The following ZNF519 variants were observed in gnomAD, a reference collection of about 807,000 sequenced individuals.
ZNF519 encodes similar to Zinc finger protein 85 (Zinc finger protein HPF4) (HTF1).
A neutral mutation model predicts 7.4 loss-of-function variants in ZNF519; 7 were observed. The ratio of observed to expected loss-of-function variants is 0.94; its 90% confidence interval spans 0.54 to 1.77. The LOEUF is 1.77. Ranked by LOEUF, ZNF519 falls within the 40% of genes most tolerant of loss-of-function variation. The probability of loss-of-function intolerance (pLI) is 0.00; values close to 1 mark genes in which losing one functional copy is unlikely to be tolerated. For missense variants in ZNF519, 586 were observed against 623.1 expected, an observed-to-expected ratio of 0.94 and a Z score of 0.63; for synonymous variants, 179 against 203.3, an observed-to-expected ratio of 0.88 and a Z score of 1.02.
chr18:14,129,127 G>A (rs1391317033), intron 1 of ZNF519, among the ~76,000 whole-genome samples: 1 of 152,208 alleles, frequency 6.6e-6, no homozygotes, highest in Non-Finnish European at 1.5e-5. Context: ...GCAGCGCTAT[G>A]TTCTGACTTA....
chr18:14,091,342 A>G (rs974625684), intron 2 of ZNF519, among the ~76,000 whole-genome samples: 6 of 152,146 alleles, frequency 3.9e-5, no homozygotes, highest in African/African-American at 1.4e-4. Context: ...TCACCAGAAC[A>G]CTTCTCAGTG....
intron 1 of ZNF519, among the ~76,000 whole-genome samples, chr18:14,130,274 T>A (rs1394017266): frequency 3.3e-5 from 5 of 152,128 alleles, no homozygotes; most frequent in African/African-American, 4.8e-5. Flanking sequence ...AATCTCTCTT[T>A]ATTAACCTCC....
chr18:14,126,921 C>T (rs2537896), intron 1 of ZNF519, among the ~76,000 whole-genome samples: 11 of 152,144 alleles, frequency 7.2e-5, no homozygotes, highest in African/African-American at 2.4e-4. Flanking sequence ...TATGGGCTGA[C>T]GCCTCCATAA....
chr18:14,118,549 G>A (rs1041230825), intron 2 of ZNF519, among the ~76,000 whole-genome samples: 1 of 152,116 alleles, frequency 6.6e-6, no homozygotes, highest in Non-Finnish European at 1.5e-5. Flanking sequence ...CTATGGTTGG[G>A]GTTGTGAAAC....
exon 5 of ZNF519, chr18:14,077,166 A>G (rs2046050802): frequency 1.3e-5 from 2 of 152,200 alleles, no homozygotes; most frequent in Non-Finnish European, 1.5e-5. Context: ...TGAGGATTAC[A>G]TTAAATTAGA....
intron 3 of ZNF519, chr18:14,080,340 T>A (rs2046066098): frequency 7.1e-6 from 1 of 140,000 alleles, no homozygotes; most frequent in African/African-American, 2.8e-5. Context: ...TTTTTTTTTT[T>A]GAGACAGAGT....
At chr18:14,095,526 T>G (rs1391465590), downstream of ZNF519, among the ~76,000 whole-genome samples, 1 of 152,186 alleles carries the variant, frequency 6.6e-6, no homozygotes, top group Admixed American at 6.5e-5. Flanking sequence ...TGCTATGGCT[T>G]GCCTGCCAAT....
chr18:14,097,331 T>C (rs922014724), downstream of ZNF519, among the ~76,000 whole-genome samples: 1 of 152,150 alleles, frequency 6.6e-6, no homozygotes, highest in African/African-American at 2.4e-5. Flanking sequence ...ATAAGCACAA[T>C]GGTTGCAGGA....
At chr18:14,115,145 G>A (rs376160584) in intron 2 of ZNF519, among the ~76,000 whole-genome samples, 1 of 152,156 alleles carries the variant, frequency 6.6e-6, no homozygotes, top group East Asian at 1.9e-4. Flanking sequence ...AAAGCATGTA[G>A]AAGAGAAGGA....
At chr18:14,080,315 G>GT (rs55805123) in intron 3 of ZNF519, 1,554 of 101,138 alleles carry the variant, frequency 0.015, 215 homozygotes, top group African/African-American at 0.054. Context: ...CAATTTGACA[G>GT]TTTTTTTTTT....
At chr18:14,095,907 C>A (rs2046134524), downstream of ZNF519, among the ~76,000 whole-genome samples, 1 of 152,232 alleles carries the variant, frequency 6.6e-6, no homozygotes, top group African/African-American at 2.4e-5. Flanking sequence ...ACCAACACAG[C>A]CCTGGGTGCT....
At chr18:14,078,905 G>T (rs1341135754) in intron 3 of ZNF519, among the ~76,000 whole-genome samples, 2 of 152,110 alleles carry the variant, frequency 1.3e-5, no homozygotes, top group African/African-American at 4.8e-5. Context: ...TTTCCTTCAA[G>T]GTAAAGATGA....
intron 3 of ZNF519, chr18:14,080,048 A>T (rs987405118): frequency 2.0e-5 from 3 of 152,148 alleles, no homozygotes; most frequent in Non-Finnish European, 4.4e-5. Context: ...TAACTAAAAA[A>T]AATAATAAAT....
At chr18:14,106,440 A>T in intron 2 of ZNF519, 31 bp from the exon 3 acceptor site, 1 of 1,520,568 alleles carries the variant, frequency 6.6e-7, no homozygotes, top group African/African-American at 1.4e-5. Flanking sequence ...TAATTATTCT[A>T]CATACTGATT....
intron 2 of ZNF519, among the ~76,000 whole-genome samples, chr18:14,121,166 T>C (rs150896543): frequency 1.4e-3 from 210 of 152,202 alleles, no homozygotes; most frequent in African/African-American, 4.6e-3. Flanking sequence ...GGGTGGTTGT[T>C]AGTGCCTGAG....
chr18:14,106,658 G>A (rs552386104), intron 2 of ZNF519, among the ~76,000 whole-genome samples: 60 of 152,172 alleles, frequency 3.9e-4, no homozygotes, highest in African/African-American at 1.4e-3. Context: ...ATAAAGGTGA[G>A]CACTCACAGT....
At chr18:14,118,658 A>G (rs572166044) in intron 2 of ZNF519, among the ~76,000 whole-genome samples, 4 of 152,158 alleles carry the variant, frequency 2.6e-5, no homozygotes, top group Admixed American at 6.5e-5. Flanking sequence ...CAGACAAGGA[A>G]ATGGCGCACC....
At chr18:14,082,815 G>A (rs1358140630) in intron 3 of ZNF519, 1 of 151,928 alleles carries the variant, frequency 6.6e-6, no homozygotes, top group Non-Finnish European at 1.5e-5. Context: ...AGCTACTCAA[G>A]TAGCTGGGAC....
chr18:14,082,130 ATAAGT>A (rs1026842910), intron 3 of ZNF519: 2 of 152,250 alleles, frequency 1.3e-5, no homozygotes, highest in South Asian at 2.1e-4. Flanking sequence ...AGCCACTAAT[ATAAGT>A]TAAATGTTTT....
Sources: allele counts gnomAD v4.1 joint callset (sites outside exome capture counted in the v4.1 genomes callset), GRCh38; gene constraint gnomAD v4.1.1; transcripts MANE v1.5; gene names NCBI Gene and HGNC (gene_info 2026-07-23, HGNC 2026-07-21).